The following MAP3K9 variants were observed in gnomAD, a reference collection of about 807,000 sequenced individuals.
MAP3K9 encodes the protein mitogen-activated protein kinase kinase kinase 9.
A neutral mutation model predicts 95.8 loss-of-function variants in MAP3K9; 46 were observed. The observed-to-expected ratio is 0.48, with a 90% confidence interval of 0.38 to 0.61. MAP3K9 has a LOEUF of 0.61. Ranked by LOEUF, MAP3K9 falls within the 20% of genes least tolerant of loss-of-function variation. The probability of loss-of-function intolerance (pLI) is 0.00; values close to 1 mark genes in which losing one functional copy is unlikely to be tolerated. For missense variants in MAP3K9, 1,296 were observed against 1,474.3 expected, an observed-to-expected ratio of 0.88 and a Z score of 1.98; for synonymous variants, 533 against 593.8, an observed-to-expected ratio of 0.90 and a Z score of 1.49.
At chr14:70,792,393 G>A (rs2054816890) in intron 2 of MAP3K9, among the ~76,000 whole-genome samples, 2 of 152,306 alleles carry the variant, frequency 1.3e-5, no homozygotes, top group Admixed American at 6.5e-5. Flanking sequence ...AAGTACCTGA[G>A]CCAGGTAATG....
intron 2 of MAP3K9, among the ~76,000 whole-genome samples, chr14:70,786,588 T>C (rs1566762064): frequency 6.6e-6 from 1 of 152,242 alleles, no homozygotes; most frequent in East Asian, 1.9e-4. Flanking sequence ...TCCCCCTGGT[T>C]CCTCGAATGG....
intron 1 of MAP3K9, among the ~76,000 whole-genome samples, chr14:70,803,337 T>TAAAAAAA (rs10583563): frequency 6.6e-5 from 5 of 75,198 alleles, no homozygotes; most frequent in Non-Finnish European, 9.6e-5. Context: ...ATTCAGATCT[T>TAAAAAAA]AAAAAAAAAA....
chr14:70,765,853 C>T (rs1214322697), intron 2 of MAP3K9, among the ~76,000 whole-genome samples: 9 of 151,412 alleles, frequency 5.9e-5, no homozygotes, highest in Admixed American at 5.9e-4. Flanking sequence ...TATAAGTACA[C>T]TCTGATGTTC....
intron 2 of MAP3K9, among the ~76,000 whole-genome samples, chr14:70,789,573 T>G (rs1350743895): frequency 6.6e-6 from 1 of 152,200 alleles, no homozygotes; most frequent in Non-Finnish European, 1.5e-5. Flanking sequence ...TTCCTGTGAC[T>G]CCAAGAGGTT....
At chr14:70,784,009 C>T (rs1435457909) in intron 2 of MAP3K9, among the ~76,000 whole-genome samples, 1 of 152,188 alleles carries the variant, frequency 6.6e-6, no homozygotes, top group East Asian at 1.9e-4. Context: ...CACGGCCAGG[C>T]GCAGTGGCTC....
rs779504029 is a variant in MAP3K9, at chr14:70,732,881, C to A, written c.2488G>T (p.Ala830Ser). The stretch of plus-strand genomic sequence containing the variant: ...GAGAGGGAGAGCAGCGTCAGGGAGG[C>A]AGAGGGGTCTCCTAGCAACAGCATG... ...EPMLLLGDPS[A>S]SLTLLSLSSI... Residue 830 changes from alanine (A) to serine (S), a missense_variant, in exon 11 of 12, where the codon GCC becomes TCC. By Grantham distance (99) the Ala-to-Ser change is moderately conservative (BLOSUM62 1). Transcript: ENST00000554752. The A allele has an allele frequency of 3.1e-6, 5 of 1,613,820 alleles. No individual in the cohort carries two copies. In the Admixed American group the frequency reaches 8.3e-5, roughly 27 times the overall value.
chr14:70,789,047 C>A (rs1348547768), intron 2 of MAP3K9, among the ~76,000 whole-genome samples: 1 of 152,202 alleles, frequency 6.6e-6, no homozygotes, highest in Non-Finnish European at 1.5e-5. Context: ...TAATTATCAA[C>A]TGAGAGTCCA....
At chr14:70,802,351 C>T (rs2054939505) in intron 1 of MAP3K9, among the ~76,000 whole-genome samples, 1 of 152,132 alleles carries the variant, frequency 6.6e-6, no homozygotes, top group East Asian at 1.9e-4. Context: ...TCCCAGTATC[C>T]CACCCAGTAT....
In MAP3K9 at chr14:70,732,555, G is replaced by C; in HGVS notation, c.2814C>G (p.Ser938Arg). ...AAGACTCACCTGCTCCAGGACTGGG[G>C]CTCAACCCATTGCTGGAGGGGCTCC... ...ASRSPSSNGL[S>R]PSPGAGMLKT... Residue 938 changes from serine (S) to arginine (R), a missense_variant, in exon 11 of 12, where the codon AGC becomes AGG. Transcript: ENST00000554752. 1 of 1,588,802 alleles carries C rather than the reference G, an allele frequency of 6.3e-7. No homozygotes were observed.
At chr14:70,742,254 G>T (rs2054080608) in intron 6 of MAP3K9, 97 bp downstream of exon 6, 2 of 1,486,180 alleles carry the variant, frequency 1.3e-6, no homozygotes, top group African/African-American at 1.4e-5. Flanking sequence ...GCCCCAGGGT[G>T]TCATGTTTCC....
chr14:70,749,987 G>A lies in MAP3K9; in HGVS notation c.1096C>T (p.Leu366Phe), dbSNP rs2054202465. 6.2e-7 allele frequency: 1 copy of A among 1,614,164 alleles called. No homozygotes were observed. Among genetic ancestry groups the A allele is most frequent in the Non-Finnish European group, 8.5e-7 (1 of 1,180,020 alleles). The change falls in exon 4 of 12, where the codon CTC (leucine) becomes TTC (phenylalanine). Residue 366 changes from leucine to phenylalanine, a missense_variant. By Grantham distance (22) the Leu-to-Phe change is conservative. Around this residue, in one of 5 missense-constraint regions of MAP3K9, gnomAD observed 136 missense variants for 221.5 expected, o/e 0.61. Coordinates refer to ENST00000554752, the MANE Select transcript of MAP3K9 (RefSeq NM_001284230.2). ...AVAYGVAMNK[L>F]ALPIPSTCPE... ...CACGTAGAAGGAATAGGAAGGGCGAGTTTGTTCATGGCCACTCCATAAGCG... is the reference window on the plus strand; with the variant it reads ...CACGTAGAAGGAATAGGAAGGGCGAATTTGTTCATGGCCACTCCATAAGCG...
chr14:70,743,899 T>C (rs1237168230), intron 5 of MAP3K9, among the ~76,000 whole-genome samples: 4 of 152,202 alleles, frequency 2.6e-5, no homozygotes, highest in African/African-American at 7.2e-5. Flanking sequence ...TAAAGACACA[T>C]GCACACGTAT....
rs1476224846 is a variant in MAP3K9, at chr14:70,729,067, C to G, written c.*1313G>C. ...GAAGGTCAGGGTTGGCCTCTGCTAT[C>G]CTTCCTACTCAGCTCATGGTCCAGA... On this transcript the variant is annotated 3_prime_UTR_variant, in exon 12 of 12. Transcript: ENST00000554752. The G allele has an allele frequency of 2.6e-5, 4 of 152,244 alleles. No homozygotes were observed. Among genetic ancestry groups the G allele is most frequent in the African/African-American group, 9.7e-5 (4 of 41,436 alleles). 9.4% of individuals were successfully genotyped at this position (152,244 alleles called of 1,614,324 possible). A position where few individuals can be genotyped will look rare whatever the true frequency, so the allele number is the denominator to read the frequency against.
chr14:70,798,273 A>C (rs1456196250), intron 2 of MAP3K9, among the ~76,000 whole-genome samples: 1 of 152,212 alleles, frequency 6.6e-6, no homozygotes, highest in Non-Finnish European at 1.5e-5. Context: ...TAAACTATTA[A>C]CTTTTACAAC....
intron 1 of MAP3K9, among the ~76,000 whole-genome samples, chr14:70,808,549 GC>G (rs1425723350): frequency 6.6e-6 from 1 of 152,124 alleles, no homozygotes; most frequent in Non-Finnish European, 1.5e-5. Context: ...AGGTGAAGAA[GC>G]CCAAGCGTCT....
chr14:70,748,904 G>A lies in MAP3K9; in HGVS notation c.1251C>T (p.Asp417=). The A allele has an allele frequency of 1.9e-6, 3 of 1,614,114 alleles. No homozygotes were observed. The highest frequency in any genetic ancestry group is 2.5e-6 in the Non-Finnish European group (3 of 1,180,010). The change falls in exon 5 of 12, where the codon GAC becomes GAT. Residue 417 remains aspartate (D), a synonymous_variant. Coordinates refer to ENST00000554752, the MANE Select transcript of MAP3K9 (RefSeq NM_001284230.2). ...EESGFFEMPK[D]SFHCLQDNWK... ...AGTTGTCCTGCAGGCAGTGGAAGGA[G>A]TCCTTGGGCATTTCAAAGAAACCAG...
intron 2 of MAP3K9, among the ~76,000 whole-genome samples, chr14:70,788,770 TAG>T (rs2054775333): frequency 6.6e-6 from 1 of 152,158 alleles, no homozygotes; most frequent in Admixed American, 6.5e-5. Flanking sequence ...CAACCAGATT[TAG>T]AGAGTAGCTG....
Position 70,732,738 on chromosome 14 carries a change from G to C in MAP3K9, c.2631C>G (p.His877Gln). 1.2e-6 allele frequency: 2 copies of C among 1,607,180 alleles called. No individual in the cohort carries two copies. Among genetic ancestry groups the C allele is most frequent in the African/African-American group, 1.3e-5 (1 of 74,918 alleles). The change falls in exon 11 of 12, where the codon CAC becomes CAG. Residue 877 changes from histidine (H) to glutamine (Q), a missense_variant. Around this residue, in one of 5 missense-constraint regions of MAP3K9, gnomAD observed 433 missense variants for 441.4 expected, o/e 0.98. Coordinates refer to ENST00000554752, the MANE Select transcript of MAP3K9 (RefSeq NM_001284230.2). Reference sequence around the variant, plus strand: ...CTACTCGGACATTGACCAGGGGGTTGTGGGTACATGGACTCAGGGGAGGGG... The same window carrying C: ...CTACTCGGACATTGACCAGGGGGTTCTGGGTACATGGACTCAGGGGAGGGG... Reference protein sequence around the residue: ...VEAPPLSPCTHNPLVNVRVER... With the variant: ...VEAPPLSPCTQNPLVNVRVER...
Position 70,730,491 on chromosome 14 carries a change from C to T in MAP3K9, c.3204G>A (p.Leu1068=), listed in dbSNP as rs545311372. 4.0e-5 allele frequency: 64 copies of T among 1,614,114 alleles called. No individual in the cohort carries two copies. The East Asian group carries it at 1.4e-3, about 35-fold the overall frequency. The part of the protein sequence containing the change: ...GPLPPTERTL[L]DLDAEGQSQD... ...GACTCTGCCCCTCTGCATCCAGGTCCAGGAGCGTCCGCTCAGTCGGGGGCA... is the reference window on the plus strand; with the variant it reads ...GACTCTGCCCCTCTGCATCCAGGTCTAGGAGCGTCCGCTCAGTCGGGGGCA... Residue 1068 remains leucine, a synonymous_variant, in exon 12 of 12, where the codon CTG becomes CTA. Coordinates refer to ENST00000554752, the MANE Select transcript of MAP3K9 (RefSeq NM_001284230.2).
Sources: gnomAD v4.1 joint callset for allele counts (sites outside exome capture counted in the v4.1 genomes callset) on GRCh38, gnomAD v4.1.1 for gene constraint, gnomAD v4.1.1 regional missense constraint, MANE v1.5 for transcripts, NCBI Gene and HGNC (gene_info 2026-07-23, HGNC 2026-07-21) for gene names.